Variants in SPATA13 observed in about 807,000 individuals in gnomAD.
SPATA13 encodes spermatogenesis-associated protein 13.
Under a neutral mutation model 104.0 loss-of-function variants are expected in SPATA13, and 50 were observed. That is an observed-to-expected ratio of 0.48 (90% confidence interval 0.38 to 0.61). SPATA13 has a LOEUF of 0.61. Among genes scored for constraint, SPATA13 ranks in the 20% least tolerant of loss-of-function variants. The probability of loss-of-function intolerance (pLI) is 0.00; values close to 1 mark genes in which losing one functional copy is unlikely to be tolerated. For synonymous variants in SPATA13, 606 were observed against 667.5 expected (o/e 0.91, Z 1.42); for missense variants, 1,524 against 1,690.6 (o/e 0.90, Z 1.73).
chr13:24,058,375 TC>T (rs1878647981), intron 3 of SPATA13, among the ~76,000 whole-genome samples: 1 of 151,852 alleles, frequency 6.6e-6, no homozygotes, highest in Non-Finnish European at 1.5e-5. Context: ...CTCACCGTAA[TC>T]CCTTCAGCAG....
At chr13:24,232,971 A>G (rs1397176198) in intron 2 of SPATA13, among the ~76,000 whole-genome samples, 1 of 152,126 alleles carries the variant, frequency 6.6e-6, no homozygotes, top group African/African-American at 2.4e-5. Context: ...CTTCTGTGTT[A>G]TTTTCTGGAA....
At chr13:24,111,449 C>T (rs972710597) in intron 3 of SPATA13, among the ~76,000 whole-genome samples, 5 of 151,108 alleles carry the variant, frequency 3.3e-5, no homozygotes, top group East Asian at 1.9e-4. Context: ...GCTCTGTCAC[C>T]GAGGCTGAAG....
At chr13:24,241,976 C>G (rs1332990596) in intron 2 of SPATA13, among the ~76,000 whole-genome samples, 1 of 151,794 alleles carries the variant, frequency 6.6e-6, no homozygotes, top group Non-Finnish European at 1.5e-5. Context: ...TCACTTGAGC[C>G]TGGGAGTTCA....
At chr13:24,262,316 T>TC (rs938407964) in intron 4 of SPATA13, among the ~76,000 whole-genome samples, 14 of 151,820 alleles carry the variant, frequency 9.2e-5, no homozygotes, top group African/African-American at 2.9e-4. Context: ...TTTCTTTTTT[T>TC]TTTTTTAGCT....
intron 3 of SPATA13, among the ~76,000 whole-genome samples, chr13:24,090,040 T>C (rs1879862036): frequency 1.3e-5 from 2 of 152,238 alleles, no homozygotes; most frequent in Admixed American, 1.3e-4. Flanking sequence ...CACCCCTGAA[T>C]ACCATATCAA....
intron 1 of SPATA13, among the ~76,000 whole-genome samples, chr13:24,169,041 C>T (rs1392658274): frequency 2.0e-5 from 3 of 152,102 alleles, no homozygotes; most frequent in Non-Finnish European, 4.4e-5. Context: ...ATCTAAAATC[C>T]CCAGAGTGGC....
intron 3 of SPATA13, among the ~76,000 whole-genome samples, chr13:24,029,989 G>A (rs1278290194): frequency 6.6e-6 from 1 of 151,828 alleles, no homozygotes; most frequent in Non-Finnish European, 1.5e-5. Flanking sequence ...TATTCCATGG[G>A]AATTCATAGC....
intron 1 of SPATA13, among the ~76,000 whole-genome samples, chr13:24,210,840 T>C (rs185547788): frequency 4.6e-5 from 7 of 151,714 alleles, no homozygotes; most frequent in Admixed American, 1.3e-4. Context: ...TTCAGTAGTA[T>C]GGACATTTTA....
chr13:24,222,761 A>T (rs1309458462), intron 1 of SPATA13, 58 bp from the exon 2 acceptor site: 3 of 1,429,442 alleles, frequency 2.1e-6, no homozygotes, highest in Admixed American at 5.0e-5. Context: ...TTCTTCTGTG[A>T]GCAGAGGGGC....
At position 24,051,451 on chromosome 13, in the gene SPATA13, T is replaced by C. The variant is rs571150093; in HGVS notation, c.-112+33750T>C. On this transcript the variant is annotated intron_variant, in intron 3 of 14. Transcript: ENST00000424834. This position sits in a 1 kb window ranked among gnomAD's most constrained non-coding sequence, Gnocchi z 4.2. ...CAGCCTGCCAGGCTCTCGCCTCCAGTTTCACACATCCTTGCACCTGCCTGG... is the reference window on the plus strand; with the variant it reads ...CAGCCTGCCAGGCTCTCGCCTCCAGCTTCACACATCCTTGCACCTGCCTGG... 1.2e-4 allele frequency among the ~76,000 whole-genome samples: 19 copies of C among 152,194 alleles called. No homozygotes were observed. Among genetic ancestry groups the C allele is most frequent in the Non-Finnish European group, 2.2e-4 (15 of 68,042 alleles).
intron 1 of SPATA13, among the ~76,000 whole-genome samples, chr13:24,179,351 A>T (rs1303110111): frequency 6.6e-6 from 1 of 152,238 alleles, no homozygotes; most frequent in Non-Finnish European, 1.5e-5. Flanking sequence ...AAGAATTGCC[A>T]GACTATTTCT....
At position 24,223,080 on chromosome 13, in the gene SPATA13, G is replaced by A. The variant is rs529939542; in HGVS notation, c.151G>A (p.Val51Ile). 3.2e-6 allele frequency: 5 copies of A among 1,551,732 alleles called. No homozygotes were observed. In the South Asian group the frequency reaches 4.8e-5, roughly 15 times the overall value. ...MVTSLACGNG[V>I]CGCSPGGDTD... ...GACCTCCCTTGCGTGTGGAAATGGAGTCTGTGGCTGCAGCCCTGGTGGCGA... is the reference window on the plus strand; with the variant it reads ...GACCTCCCTTGCGTGTGGAAATGGAATCTGTGGCTGCAGCCCTGGTGGCGA... Residue 51 changes from valine to isoleucine, a missense_variant, in exon 2 of 13, where the codon GTC becomes ATC. Val to Ile is a conservative substitution (Grantham distance 29, BLOSUM62 3). Coordinates refer to ENST00000382108, the MANE Select transcript of SPATA13 (RefSeq NM_001166271.3).
chr13:23,983,304 C>T (rs1313191117), intron 1 of SPATA13, among the ~76,000 whole-genome samples: 5 of 152,158 alleles, frequency 3.3e-5, no homozygotes, highest in South Asian at 2.1e-4. Flanking sequence ...CGTGGTCATC[C>T]TTCTATATTG....
chr13:24,291,692 G>A lies in SPATA13; in HGVS notation c.3080+808G>A, dbSNP rs182722040. Among the ~76,000 whole-genome samples the A allele has an allele frequency of 6.4e-4, 98 of 152,078 alleles. 1 individual carries two copies. Among genetic ancestry groups the A allele is most frequent in the African/African-American group, 2.1e-3 (89 of 41,506 alleles). On this transcript the variant is annotated intron_variant, in intron 9 of 12. Transcript: ENST00000382108. The stretch of plus-strand genomic sequence containing the variant: ...CTCACACTTCTGTTGTTTGGATCTC[G>A]GCTTCTCCTGAACAACAAGCAACAA...
intron 11 of SPATA13, 100 bp from the exon 12 acceptor site, chr13:24,300,301 G>T: frequency 1.2e-6 from 1 of 826,766 alleles, no homozygotes. Flanking sequence ...GTCTCAGGTT[G>T]TGGTGATAAC....
chr13:24,105,148 A>C lies in SPATA13; in HGVS notation c.-112+87447A>C, dbSNP rs1250870488. Among the ~76,000 whole-genome samples, 3 of 152,056 alleles carry C rather than the reference A, an allele frequency of 2.0e-5. No homozygotes were observed. In the East Asian group the frequency reaches 5.8e-4, roughly 29 times the overall value. ...GTTTTGTTTTGTTTCTGTGAGACAG[A>C]GTTTCACTCTGTTGCCCAGGCTGGA... On this transcript the variant is annotated intron_variant, in intron 3 of 14. Coordinates refer to the SPATA13 transcript ENST00000424834.
intron 3 of SPATA13, among the ~76,000 whole-genome samples, chr13:24,032,310 A>AG (rs1877513688): frequency 6.6e-6 from 1 of 152,224 alleles, no homozygotes; most frequent in South Asian, 2.1e-4. Context: ...CCCCTATGGC[A>AG]ATACCACATA....
chr13:24,173,925 C>CT (rs1298383547), intron 1 of SPATA13, among the ~76,000 whole-genome samples: 2 of 152,078 alleles, frequency 1.3e-5, no homozygotes, highest in African/African-American at 2.4e-5. Flanking sequence ...TTGTAGTTTT[C>CT]TTTTTTTGTA....
At chr13:24,162,233 G>C (rs1461517463) in intron 1 of SPATA13, among the ~76,000 whole-genome samples, 2 of 152,050 alleles carry the variant, frequency 1.3e-5, no homozygotes, top group African/African-American at 4.8e-5. Flanking sequence ...TTGTGCTCCC[G>C]TGCATATGCA....
Sources: allele counts gnomAD v4.1 joint callset (sites outside exome capture counted in the v4.1 genomes callset), GRCh38; gene constraint gnomAD v4.1.1; non-coding constraint Gnocchi (gnomAD v3.1); transcripts MANE v1.5; gene names NCBI Gene and HGNC (gene_info 2026-07-23, HGNC 2026-07-21).